Variants in FHAD1 observed in about 807,000 individuals in gnomAD.
The protein encoded by FHAD1 is forkhead associated phosphopeptide binding domain 1, also known as forkhead-associated domain-containing protein 1.
In FHAD1, 146 loss-of-function variants were observed where a neutral mutation model predicts 191.3. The observed-to-expected ratio is 0.76, with a 90% CI of 0.67 to 0.88. FHAD1 has a LOEUF of 0.88. FHAD1 is among the 40% of genes least tolerant of loss of function. The pLI, the probability that FHAD1 is intolerant of heterozygous loss-of-function variation, is 0.00. For missense variants in FHAD1, 1,635 were observed against 1,785.8 expected (o/e 0.92, Z 1.52); for synonymous variants, 616 against 672.3 (o/e 0.92, Z 1.29).
At chr1:15,392,700 C>G (rs1704504339) in intron 33 of FHAD1, among the ~76,000 whole-genome samples, 1 of 152,178 alleles carries the variant, frequency 6.6e-6, no homozygotes, top group South Asian at 2.1e-4. Context: ...AAAAAAGTGT[C>G]CATCCCTAAC....
At chr1:15,389,468 A>AAAAAAAAAAAAAAAAAAAAAAAAAC (rs1703309863) in intron 32 of FHAD1, among the ~76,000 whole-genome samples, 1 of 149,728 alleles carries the variant, frequency 6.7e-6, no homozygotes, top group African/African-American at 2.5e-5. Flanking sequence ...AAAAAAAAAA[A>AAAAAAAAAAAAAAAAAAAAAAAAAC]CCTGCTGGAA....
chr1:15,252,464 T>G (rs1318301817), intron 2 of FHAD1, among the ~76,000 whole-genome samples: 1 of 152,208 alleles, frequency 6.6e-6, no homozygotes, highest in Admixed American at 6.5e-5. Context: ...CAACAGTACG[T>G]TGACATAGCA....
At chr1:15,271,983 A>C (rs999580808) in intron 2 of FHAD1, among the ~76,000 whole-genome samples, 1 of 152,172 alleles carries the variant, frequency 6.6e-6, no homozygotes, top group Non-Finnish European at 1.5e-5. Context: ...AAAAACAAAA[A>C]GAAAAGAAAA....
chr1:15,296,318 A>G (rs1666957504), intron 4 of FHAD1, among the ~76,000 whole-genome samples: 1 of 151,020 alleles, frequency 6.6e-6, no homozygotes, highest in African/African-American at 2.4e-5. Context: ...CAGTGGCGCA[A>G]TCTCGGCTCA....
In FHAD1 at chr1:15,349,108, A is replaced by C; in HGVS notation, c.2413A>C (p.Lys805Gln). Residue 805 changes from lysine (K) to glutamine (Q), a missense_variant, in exon 19 of 34, where the codon AAA becomes CAA. Lys to Gln is a moderately conservative substitution (Grantham distance 53). Transcript: ENST00000688493. ...AKEALESEKR[K>Q]VQDLENHLTQ... ...GGAAGCCTTGGAGTCGGAAAAGAGA[A>C]AAGTTCAGGATCTGGAGAACCATTT... The C allele has an allele frequency of 6.4e-7, 1 of 1,551,738 alleles. No homozygotes were observed. Among genetic ancestry groups the C allele is most frequent in the Middle Eastern group, 1.7e-4 (1 of 5,992 alleles).
chr1:15,278,475 C>CTTTTT (rs34110532), intron 3 of FHAD1, among the ~76,000 whole-genome samples: 5 of 124,330 alleles, frequency 4.0e-5, no homozygotes, highest in African/African-American at 1.3e-4. Context: ...TTCATTACCT[C>CTTTTT]TTTTTTTTTT....
chr1:15,241,677 A>AT (rs1389119759), intron 1 of FHAD1, among the ~76,000 whole-genome samples: 1 of 45,468 alleles, frequency 2.2e-5, no homozygotes, highest in African/African-American at 1.1e-4. Context: ...AAACAAACAA[A>AT]CAAAAAAAAC....
Position 15,329,280 on chromosome 1 carries a change from A to C in FHAD1, c.1711-66A>C. 1 of 1,340,572 alleles carries C rather than the reference A, an allele frequency of 7.5e-7. No individual in the cohort carries two copies. The highest frequency in any genetic ancestry group is 1.0e-6 in the Non-Finnish European group (1 of 997,124). The allele number at this position is 1,340,572 out of a possible 1,614,324, so 83.0% of individuals were successfully genotyped here. On this transcript the variant is annotated intron_variant, in intron 13 of 33. Transcript: ENST00000688493. The surrounding 1 kb of genome is among the most constrained non-coding windows in gnomAD (Gnocchi z 5.0). ...GCAGAGTCAAGAACGCTGTTCCTCG[A>C]AGGTCACGTCAGGGGCTATTTCTGG...
chr1:15,374,103 C>T (rs1698884001), intron 26 of FHAD1, among the ~76,000 whole-genome samples: 2 of 152,184 alleles, frequency 1.3e-5, no homozygotes, highest in Non-Finnish European at 1.5e-5. Flanking sequence ...AAATAATCAT[C>T]CTTATCACCA....
chr1:15,379,486 G>T (rs979679500), intron 28 of FHAD1, among the ~76,000 whole-genome samples: 6 of 152,172 alleles, frequency 3.9e-5, no homozygotes, highest in African/African-American at 1.2e-4. Flanking sequence ...GGACGGGCAG[G>T]AGACAGATGC....
Position 15,276,981 on chromosome 1 carries a change from C to CAAGTCACA in FHAD1, c.300+4459_300+4466dup, listed in dbSNP as rs1658615156. ...GCCTAAGTGTCAGGCGTGTGAAATC[C>CAAGTCACA]AAGTCACAAAGTCAGATGTGCTTGC... On this transcript the variant is annotated intron_variant, in intron 3 of 33. Coordinates refer to ENST00000688493, the MANE Select transcript of FHAD1 (RefSeq NM_001391957.1). This position sits in a 1 kb window ranked among gnomAD's most constrained non-coding sequence, Gnocchi z 4.7. Among the ~76,000 whole-genome samples, 2 of 152,156 alleles carry CAAGTCACA rather than the reference C, an allele frequency of 1.3e-5. No homozygotes were observed. Among genetic ancestry groups the CAAGTCACA allele is most frequent in the African/African-American group, 4.8e-5 (2 of 41,442 alleles).
rs1302400063 is a variant in FHAD1, at chr1:15,352,919, G to A, written c.2497G>A (p.Glu833Lys). 1 of 1,551,472 alleles carries A rather than the reference G, an allele frequency of 6.4e-7. No individual in the cohort carries two copies. Among genetic ancestry groups the A allele is most frequent in the East Asian group, 2.4e-5 (1 of 40,880 alleles). ...TGCGTACGAGAAACGCAAAGCAAAGGAGGCCATGGAGAAGGAAAAGAAAAA... is the reference window on the plus strand; with the variant it reads ...TGCGTACGAGAAACGCAAAGCAAAGAAGGCCATGGAGAAGGAAAAGAAAAA... ...NIAYEKRKAK[E>K]AMEKEKKKVQ... is the part of the protein sequence containing the mutation. Residue 833 changes from glutamate to lysine, a missense_variant, in exon 20 of 34, where the codon GAG becomes AAG. Glu to Lys is a moderately conservative substitution (Grantham distance 56, BLOSUM62 1). Transcript: ENST00000688493.
chr1:15,360,394 C>A (rs1470413141), intron 21 of FHAD1, 84 bp from the exon 22 acceptor site: 10 of 1,249,042 alleles, frequency 8.0e-6, no homozygotes, highest in Non-Finnish European at 1.1e-5. Context: ...CAGTTTAGCA[C>A]CTATGTGTGT....
At chr1:15,244,033 A>G (rs956332786), upstream of FHAD1, among the ~76,000 whole-genome samples, 118 of 150,306 alleles carry the variant, frequency 7.9e-4, no homozygotes, top group African/African-American at 2.7e-3. This position sits in a 1 kb window ranked among gnomAD's most constrained non-coding sequence, Gnocchi z 5.1. Flanking sequence ...AAGAAGCACA[A>G]GTAATCTAGA....
intron 32 of FHAD1, 48 bp downstream of exon 32, chr1:15,388,179 A>C: frequency 4.5e-4 from 509 of 1,143,322 alleles, no homozygotes; most frequent in Non-Finnish European, 5.5e-4. Flanking sequence ...AGACAGTCTC[A>C]ACTGGGGGTA....
chr1:15,328,743 A>G (rs1679964356), intron 13 of FHAD1: 1 of 225,900 alleles, frequency 4.4e-6, no homozygotes, highest in African/African-American at 2.3e-5. Context: ...AAACCAAAGA[A>G]ACATTCCTGC....
chr1:15,261,035 T>C (rs1320324873), intron 2 of FHAD1, among the ~76,000 whole-genome samples: 1 of 152,196 alleles, frequency 6.6e-6, no homozygotes, highest in Admixed American at 6.5e-5. Flanking sequence ...TGAGAGCTTT[T>C]CAGAGGAATC....
At chr1:15,344,146 G>A (rs142044839) in intron 16 of FHAD1, among the ~76,000 whole-genome samples, 1 of 152,296 alleles carries the variant, frequency 6.6e-6, no homozygotes, top group African/African-American at 2.4e-5. Context: ...CTGATACTCG[G>A]ATTGATGGAC....
intron 28 of FHAD1, 36 bp downstream of exon 28, chr1:15,375,766 T>C (rs1699400678): frequency 1.3e-6 from 2 of 1,511,340 alleles, no homozygotes; most frequent in Non-Finnish European, 1.8e-6. Flanking sequence ...GTGACTGGCA[T>C]GTGGAGAGGA....
Sources: allele counts gnomAD v4.1 joint callset (sites outside exome capture counted in the v4.1 genomes callset), GRCh38; gene constraint gnomAD v4.1.1; non-coding constraint Gnocchi (gnomAD v3.1); transcripts MANE v1.5; gene names NCBI Gene and HGNC (gene_info 2026-07-23, HGNC 2026-07-21).